Variants in PTH observed in about 807,000 individuals in gnomAD.
PTH encodes parathyroid hormone.
A neutral mutation model predicts 7.4 loss-of-function variants in PTH; 7 were observed. That is an observed-to-expected ratio of 0.94 (90% CI 0.53 to 1.77). The LOEUF is 1.77. PTH is among the 40% of genes most tolerant of loss of function. The pLI, the probability that PTH is intolerant of heterozygous loss-of-function variation, is 0.00. For synonymous variants in PTH, 51 were observed against 46.6 expected (o/e 1.09, Z -0.39); for missense variants, 128 against 137.1 (o/e 0.93, Z 0.33).
chr11:13,495,649 A>G (rs1255512102), intron 1 of PTH, among the ~76,000 whole-genome samples: 2 of 152,194 alleles, frequency 1.3e-5, no homozygotes, highest in African/African-American at 4.8e-5. Context: ...TAGCATGCCA[A>G]ATTTTAATGA....
intron 1 of PTH, among the ~76,000 whole-genome samples, chr11:13,495,379 A>C (rs1382262693): frequency 6.6e-6 from 1 of 152,192 alleles, no homozygotes; most frequent in African/African-American, 2.4e-5. Flanking sequence ...CATAGGAAAT[A>C]CTGTTTTCAG....
chr11:13,493,811 T>G lies in PTH; in HGVS notation c.-5-951A>C, dbSNP rs1262117206. Reference sequence around the variant, plus strand: ...TACATATATTTTACCCTTGCTTTGTTACATGTTTTTAAATTTTTTTTAAAA... The same window carrying G: ...TACATATATTTTACCCTTGCTTTGTGACATGTTTTTAAATTTTTTTTAAAA... On this transcript the variant is annotated intron_variant, in intron 1 of 2. Transcript: ENST00000282091. 7.9e-5 allele frequency among the ~76,000 whole-genome samples: 12 copies of G among 152,356 alleles called. No individual in the cohort carries two copies. The South Asian group carries it at 2.3e-3, about 29-fold the overall frequency.
upstream of PTH, chr11:13,496,076 A>G (rs1286873367): frequency 1.3e-5 from 2 of 151,980 alleles, no homozygotes; most frequent in African/African-American, 4.8e-5. Context: ...AGATGATGTC[A>G]CTCCCAATTC....
At chr11:13,494,442 C>G (rs1847515160) in intron 1 of PTH, among the ~76,000 whole-genome samples, 1 of 152,160 alleles carries the variant, frequency 6.6e-6, no homozygotes, top group African/African-American at 2.4e-5. Context: ...CTGAGCCTCT[C>G]CCTGTAGTGT....
intron 1 of PTH, among the ~76,000 whole-genome samples, chr11:13,493,700 C>A (rs1244877230): frequency 6.6e-6 from 1 of 152,226 alleles, no homozygotes; most frequent in African/African-American, 2.4e-5. Flanking sequence ...ATTTCTAGTC[C>A]ACACAGTACT....
intron 1 of PTH, among the ~76,000 whole-genome samples, chr11:13,494,829 C>G (rs1214874270): frequency 6.6e-6 from 1 of 152,128 alleles, no homozygotes; most frequent in African/African-American, 2.4e-5. Context: ...TGAGAAATCC[C>G]CCCGCACTGC....
chr11:13,492,190 C>A lies in PTH; in HGVS notation c.*215G>T. 1 of 567,276 alleles carries A rather than the reference C, an allele frequency of 1.8e-6. No individual in the cohort carries two copies. Among genetic ancestry groups the A allele is most frequent in the Non-Finnish European group, 3.0e-6 (1 of 337,636 alleles). 35.1% of individuals were successfully genotyped at this position (567,276 alleles called of 1,614,324 possible). A position where few individuals can be genotyped will look rare whatever the true frequency, so the allele number is the denominator to read the frequency against. On this transcript the variant is annotated 3_prime_UTR_variant, in exon 3 of 3. Transcript: ENST00000282091. ...AATAACATACTTTAAAAAGAATAAA[C>A]AATAGAAAAGATAATTAAAATAACT...
At position 13,492,811 on chromosome 11, in the gene PTH, C is replaced by T. The variant is rs758268920; in HGVS notation, c.45G>A (p.Leu15=). Reference sequence around the variant, plus strand: ...CCGATTTTGTAAGAAAACAAATTGCCAACATGACAATCATAACTTTAGCCA... The same window carrying T: ...CCGATTTTGTAAGAAAACAAATTGCTAACATGACAATCATAACTTTAGCCA... ...KDMAKVMIVM[L]AICFLTKSDG... is the part of the protein sequence containing the mutation. Residue 15 remains leucine, a synonymous_variant, in exon 2 of 3, where the codon TTG becomes TTA. Coordinates refer to ENST00000282091, the MANE Select transcript of PTH (RefSeq NM_000315.4). The T allele has an allele frequency of 1.2e-6, 2 of 1,613,916 alleles. No homozygotes were observed. Among genetic ancestry groups the T allele is most frequent in the Non-Finnish European group, 1.7e-6 (2 of 1,179,934 alleles).
At chr11:13,494,396 A>G (rs1249775081) in intron 1 of PTH, among the ~76,000 whole-genome samples, 3 of 152,094 alleles carry the variant, frequency 2.0e-5, no homozygotes, top group Non-Finnish European at 2.9e-5. Flanking sequence ...GTGATAAGCA[A>G]TGCCTCTGTC....
chr11:13,492,794 GT>G lies in PTH; in HGVS notation c.61del (p.Thr21GlnfsTer13). On this transcript the variant is annotated frameshift_variant, in exon 2 of 3. Coordinates refer to ENST00000282091, the MANE Select transcript of PTH (RefSeq NM_000315.4). LOFTEE classifies it high-confidence loss of function. ...CTTAACAGATTTCCCATCCGATTTT[GT>G]AAGAAAACAAATTGCCAACATGACA... ...MIVMLAICFLTKSDGKSVKKR... is the reference protein window; with the variant it reads ...MIVMLAICFLXKSDGKSVKKR... The G allele has an allele frequency of 6.2e-7, 1 of 1,613,936 alleles. No individual in the cohort carries two copies. Among genetic ancestry groups the G allele is most frequent in the Non-Finnish European group, 8.5e-7 (1 of 1,179,928 alleles).
At position 13,492,947 on chromosome 11, in the gene PTH, G is replaced by C. The variant is rs2134093384; in HGVS notation, c.-5-87C>G. The C allele has an allele frequency of 5.5e-6, 7 of 1,271,952 alleles. No individual in the cohort carries two copies. In the South Asian group the frequency reaches 9.1e-5, roughly 16 times the overall value. 78.8% of individuals were successfully genotyped at this position (1,271,952 alleles called of 1,614,324 possible). ...ACAGAATGCAATACTAACTAATTGG[G>C]TTGGTTTTCACGAGAAGCTTTTGGA... On this transcript the variant is annotated intron_variant, in intron 1 of 2. Transcript: ENST00000282091.
chr11:13,493,380 T>C (rs1480964863), intron 1 of PTH, among the ~76,000 whole-genome samples: 1 of 152,188 alleles, frequency 6.6e-6, no homozygotes, highest in African/African-American at 2.4e-5. Flanking sequence ...TTAAAACATT[T>C]GTTAAAGATC....
Position 13,492,489 on chromosome 11 carries a change from A to C in PTH, c.264T>G (p.Asn88Lys). ...TTTTTTCATGGCTCTCAACCAAGAC[A>C]TTGTCTTCCTTTTTTCGGGGCCTCT... ...GSQRPRKKED[N>K]VLVESHEKSL... The change falls in exon 3 of 3, where the codon AAT becomes AAG. Residue 88 changes from asparagine to lysine, a missense_variant. Asn to Lys is a moderately conservative substitution (Grantham distance 94). Transcript: ENST00000282091. 6.2e-7 allele frequency: 1 copy of C among 1,614,118 alleles called. No homozygotes were observed. The highest frequency in any genetic ancestry group is 8.5e-7 in the Non-Finnish European group (1 of 1,180,014).
chr11:13,492,746 A>G (rs770024536), intron 2 of PTH, 24 bp downstream of exon 2: 1 of 1,613,858 alleles, frequency 6.2e-7, no homozygotes, highest in Admixed American at 1.7e-5. Context: ...TAAAAATCCA[A>G]TTCCAAGGCA....
At position 13,492,769 on chromosome 11, in the gene PTH, C is replaced by G. The variant is rs2134093224; in HGVS notation, c.86+1G>C. 1 of 1,613,930 alleles carries G rather than the reference C, an allele frequency of 6.2e-7. No individual in the cohort carries two copies. The highest frequency in any genetic ancestry group is 1.1e-5 in the South Asian group (1 of 91,070). On this transcript the variant is annotated splice_donor_variant, in intron 2 of 2. Coordinates refer to ENST00000282091, the MANE Select transcript of PTH (RefSeq NM_000315.4). LOFTEE classifies it high-confidence loss of function. ...CAATTCCAAGGCAAAACAGTACTTA[C>G]TTAACAGATTTCCCATCCGATTTTG...
At chr11:13,492,978 C>T (rs1591194818) in intron 1 of PTH, 118 bp from the exon 2 acceptor site, 5 of 908,636 alleles carry the variant, frequency 5.5e-6, no homozygotes, top group Middle Eastern at 6.6e-4. Context: ...TTGGAATCAA[C>T]CTCTTTATTT....
intron 1 of PTH, 142 bp from the exon 2 acceptor site, chr11:13,493,002 G>A: frequency 1.3e-6 from 1 of 756,258 alleles, no homozygotes; most frequent in South Asian, 1.8e-5. Flanking sequence ...GGATACATTA[G>A]TATACATTAT....
upstream of PTH, chr11:13,496,119 A>C (rs1474530634): frequency 1.3e-5 from 2 of 152,146 alleles, no homozygotes; most frequent in African/African-American, 4.8e-5. Flanking sequence ...AAAGCAGCAC[A>C]TACACACACC....
intron 1 of PTH, among the ~76,000 whole-genome samples, chr11:13,494,614 T>G (rs1298854650): frequency 2.6e-5 from 4 of 152,218 alleles, no homozygotes; most frequent in Non-Finnish European, 5.9e-5. Context: ...TTTAAAATAC[T>G]TCTGACCTAT....
Sources: allele counts gnomAD v4.1 joint callset (sites outside exome capture counted in the v4.1 genomes callset), GRCh38; gene constraint gnomAD v4.1.1; transcripts MANE v1.5; gene names NCBI Gene and HGNC (gene_info 2026-07-23, HGNC 2026-07-21).